XYLT1: variants seen among roughly 807,000 people sequenced by gnomAD.
XYLT1 encodes beta-D-xylosyltransferase 1.
Under a neutral mutation model 91.3 loss-of-function variants are expected in XYLT1, and 36 were observed. The ratio of observed to expected loss-of-function variants is 0.39; its 90% CI spans 0.30 to 0.52. XYLT1 has a LOEUF of 0.52. Among genes scored for constraint, XYLT1 ranks in the 20% least tolerant of loss-of-function variants. XYLT1 has a pLI of 0.68. For synonymous variants in XYLT1, 588 were observed against 532.0 expected (o/e 1.11, Z -1.45); for missense variants, 1,242 against 1,284.5 (o/e 0.97, Z 0.51).
At chr16:17,455,079 G>C (rs941228233) in intron 1 of XYLT1, among the ~76,000 whole-genome samples, 1 of 151,910 alleles carries the variant, frequency 6.6e-6, no homozygotes, top group African/African-American at 2.4e-5. Flanking sequence ...GCACAAAAGA[G>C]TACAGACTGT....
In XYLT1 at chr16:17,202,031, T is replaced by G. The variant is rs541758077; in HGVS notation, c.914-1377A>C. On this transcript the variant is annotated intron_variant, in intron 3 of 11. Transcript: ENST00000261381. Reference sequence around the variant, plus strand: ...GATAAATAGTCCCAGACATATTTTATTCCGAAAATCAGCCTCAAAGACTCC... The same window carrying G: ...GATAAATAGTCCCAGACATATTTTAGTCCGAAAATCAGCCTCAAAGACTCC... Among the ~76,000 whole-genome samples the G allele has an allele frequency of 3.3e-5, 5 of 152,340 alleles. No homozygotes were observed. In the South Asian group the frequency reaches 1.0e-3, roughly 32 times the overall value.
chr16:17,450,956 A>G (rs557598516), intron 1 of XYLT1, among the ~76,000 whole-genome samples: 1 of 152,312 alleles, frequency 6.6e-6, no homozygotes, highest in South Asian at 2.1e-4. Flanking sequence ...GGACATCATC[A>G]TTCTGCAGGG....
intron 9 of XYLT1, among the ~76,000 whole-genome samples, chr16:17,134,257 A>G (rs1351236142): frequency 6.6e-6 from 1 of 152,220 alleles, no homozygotes; most frequent in Non-Finnish European, 1.5e-5. Flanking sequence ...GGTACATAGG[A>G]TATCTGGTAT....
At chr16:17,245,436 G>A (rs1029103946) in intron 3 of XYLT1, among the ~76,000 whole-genome samples, 12 of 151,994 alleles carry the variant, frequency 7.9e-5, no homozygotes, top group Non-Finnish European at 1.5e-4. Flanking sequence ...TCTGATTTAG[G>A]GCAACATAAA....
rs748564029 is a variant in XYLT1, at chr16:17,117,875, A to T, written c.2328T>A (p.Pro776=). The T allele has an allele frequency of 1.9e-6, 3 of 1,614,118 alleles. No homozygotes were observed. The highest frequency in any genetic ancestry group is 2.5e-6 in the Non-Finnish European group (3 of 1,180,020). ...PVGMQKWGKG[P]NVTVTVIWVD... The stretch of plus-strand genomic sequence containing the variant: ...CCCAAATGACGGTCACGGTCACATT[A>T]GGTCCCTTCCCCCACTTCTGCATAC... Residue 776 remains proline, a synonymous_variant, in exon 11 of 12, where the codon CCT becomes CCA. Transcript: ENST00000261381.
At chr16:17,440,134 C>G (rs1259662368) in intron 1 of XYLT1, among the ~76,000 whole-genome samples, 1 of 152,174 alleles carries the variant, frequency 6.6e-6, no homozygotes, top group Non-Finnish European at 1.5e-5. Flanking sequence ...GAACTGGGGC[C>G]CTTGGTGCAA....
intron 9 of XYLT1, 26 bp downstream of exon 9, chr16:17,134,447 C>T: frequency 6.2e-7 from 1 of 1,611,810 alleles, no homozygotes; most frequent in Non-Finnish European, 8.5e-7. Context: ...CTCAGCTCTC[C>T]TCTCTGCATC....
chr16:17,202,386 A>G (rs970865553), intron 3 of XYLT1, among the ~76,000 whole-genome samples: 4 of 152,228 alleles, frequency 2.6e-5, no homozygotes, highest in African/African-American at 9.7e-5. Flanking sequence ...ATTGACGTAG[A>G]TAATATCCAA....
chr16:17,271,353 G>C lies in XYLT1; in HGVS notation c.403-11855C>G, dbSNP rs372512634. 1.9e-3 allele frequency among the ~76,000 whole-genome samples: 293 copies of C among 151,880 alleles called. 3 individuals carry two copies. Among genetic ancestry groups the C allele is most frequent in the African/African-American group, 6.7e-3 (277 of 41,444 alleles). On this transcript the variant is annotated intron_variant, in intron 2 of 11. Transcript: ENST00000261381. ...AGAGAGACACACAGAGAAAGACACA[G>C]AGAGAGAGAGACACAGAGAGACAAA...
intron 2 of XYLT1, among the ~76,000 whole-genome samples, chr16:17,300,590 G>A (rs2034381292): frequency 6.9e-6 from 1 of 145,288 alleles, no homozygotes; most frequent in Non-Finnish European, 1.5e-5. Flanking sequence ...CCGAGTGGCT[G>A]GGGTTACAGG....
At chr16:17,303,668 T>G (rs1354271055) in intron 2 of XYLT1, among the ~76,000 whole-genome samples, 2 of 152,190 alleles carry the variant, frequency 1.3e-5, no homozygotes, top group Non-Finnish European at 2.9e-5. Context: ...TTACAATGGC[T>G]GGGAGTAAGA....
At chr16:17,286,953 C>T (rs995595660) in intron 2 of XYLT1, among the ~76,000 whole-genome samples, 1 of 152,030 alleles carries the variant, frequency 6.6e-6, no homozygotes, top group Non-Finnish European at 1.5e-5. Context: ...CACCAAACAC[C>T]ACCCAGCCAA....
intron 1 of XYLT1, among the ~76,000 whole-genome samples, chr16:17,369,876 C>G (rs1234725105): frequency 6.6e-6 from 1 of 152,168 alleles, no homozygotes; most frequent in African/African-American, 2.4e-5. Flanking sequence ...CTAGCTCTCT[C>G]GGAAGGAAGT....
At chr16:17,146,072 G>C (rs1210818369) in intron 6 of XYLT1, among the ~76,000 whole-genome samples, 1 of 151,830 alleles carries the variant, frequency 6.6e-6, no homozygotes, top group East Asian at 1.9e-4. Flanking sequence ...GTCCTGCCCT[G>C]GTAGTCACGC....
intron 2 of XYLT1, among the ~76,000 whole-genome samples, chr16:17,274,995 G>A (rs1488263238): frequency 6.6e-6 from 1 of 152,062 alleles, no homozygotes; most frequent in African/African-American, 2.4e-5. Flanking sequence ...TGGCCAACAT[G>A]GTGAAACCCT....
intron 1 of XYLT1, among the ~76,000 whole-genome samples, chr16:17,448,321 C>T (rs1186322924): frequency 2.6e-5 from 4 of 152,132 alleles, no homozygotes; most frequent in African/African-American, 4.8e-5. Context: ...GCCGAGATTG[C>T]GCCACTGCAC....
chr16:17,362,242 C>CT lies in XYLT1; in HGVS notation c.364-4193dup, dbSNP rs925802006. Among the ~76,000 whole-genome samples, 796 of 148,190 alleles carry CT rather than the reference C, an allele frequency of 5.4e-3. 9 individuals carry two copies. Among genetic ancestry groups the CT allele is most frequent in the African/African-American group, 0.014 (571 of 40,586 alleles). ...GTACCACCTTAACAAATACCGTAAT[C>CT]TTTTTTTTTTTACCATCTGTCTTTT... On this transcript the variant is annotated intron_variant, in intron 1 of 11. Coordinates refer to ENST00000261381, the MANE Select transcript of XYLT1 (RefSeq NM_022166.4).
intron 10 of XYLT1, among the ~76,000 whole-genome samples, chr16:17,120,894 ATG>A (rs1013121548): frequency 6.6e-6 from 1 of 152,138 alleles, no homozygotes; most frequent in African/African-American, 2.4e-5. Flanking sequence ...TCATCTACTT[ATG>A]TGTGTTTATC....
chr16:17,146,800 G>A (rs1201608031), intron 6 of XYLT1, among the ~76,000 whole-genome samples: 2 of 152,140 alleles, frequency 1.3e-5, no homozygotes, highest in African/African-American at 2.4e-5. Flanking sequence ...ATGGATACAC[G>A]GGAGCCCAGA....
Sources: allele counts gnomAD v4.1 joint callset (sites outside exome capture counted in the v4.1 genomes callset), GRCh38; gene constraint gnomAD v4.1.1; transcripts MANE v1.5; gene names NCBI Gene and HGNC (gene_info 2026-07-23, HGNC 2026-07-21).